The following GALNT13 variants were observed in gnomAD, a reference collection of about 807,000 sequenced individuals.
GALNT13 encodes the protein UDP-GalNAc:polypeptide N-acetylgalactosaminyltransferase 13.
In GALNT13, 28 loss-of-function variants were observed where a neutral mutation model predicts 64.2. That is an observed-to-expected ratio of 0.44 (90% CI 0.32 to 0.60). The LOEUF (loss-of-function observed/expected upper bound fraction) is 0.60, where lower values mean the gene tolerates loss of function less well. GALNT13 is among the 20% of genes least tolerant of loss of function. The pLI, the probability that GALNT13 is intolerant of heterozygous loss-of-function variation, is 0.05. For missense variants in GALNT13, 577 were observed against 669.8 expected, an observed-to-expected ratio of 0.86 and a Z score of 1.53; for synonymous variants, 214 against 224.6, an observed-to-expected ratio of 0.95 and a Z score of 0.42.
At chr2:154,286,018 C>G (rs1692243857) in intron 8 of GALNT13, among the ~76,000 whole-genome samples, 1 of 152,136 alleles carries the variant, frequency 6.6e-6, no homozygotes, top group South Asian at 2.1e-4. Flanking sequence ...TGTAGAAATA[C>G]AAGTGATTTT....
the GALNT13 span, among the ~76,000 whole-genome samples, chr2:153,528,484 C>T: frequency 6.6e-6 from 1 of 151,788 alleles, no homozygotes; most frequent in Non-Finnish European, 1.5e-5. Flanking sequence ...CTGAAGACTT[C>T]AACACCCTAC....
chr2:153,078,060 G>A, the GALNT13 span, among the ~76,000 whole-genome samples: 666 of 151,980 alleles, frequency 4.4e-3, 6 homozygotes, highest in Non-Finnish European at 4.6e-3. Context: ...CCTTGGTCTG[G>A]TTTCTCACTT....
At chr2:153,963,920 C>T (rs1693136482) in intron 3 of GALNT13, among the ~76,000 whole-genome samples, 1 of 151,986 alleles carries the variant, frequency 6.6e-6, no homozygotes, top group Admixed American at 6.6e-5. Flanking sequence ...TGAAATCTAA[C>T]GTATTTTTTT....
the GALNT13 span, among the ~76,000 whole-genome samples, chr2:153,075,673 T>A: frequency 1.3e-5 from 2 of 152,178 alleles, no homozygotes; most frequent in South Asian, 4.1e-4. Flanking sequence ...ATTATTTACA[T>A]ATTTCCAAAA....
intron 4 of GALNT13, among the ~76,000 whole-genome samples, chr2:154,162,140 T>A (rs1684769331): frequency 6.6e-6 from 1 of 152,176 alleles, no homozygotes; most frequent in African/African-American, 2.4e-5. Flanking sequence ...ACATAAATAC[T>A]CTATATCAGA....
chr2:154,185,705 T>C (rs1686212514), intron 4 of GALNT13, among the ~76,000 whole-genome samples: 2 of 151,964 alleles, frequency 1.3e-5, no homozygotes. Context: ...TTATAATTTT[T>C]ATCTCCTTGT....
At chr2:153,490,988 A>G in the GALNT13 span, among the ~76,000 whole-genome samples, 1 of 151,838 alleles carries the variant, frequency 6.6e-6, no homozygotes, top group African/African-American at 2.4e-5. Context: ...TTATAAAGGA[A>G]TATCTATTAA....
At chr2:153,962,206 C>A (rs914126071) in intron 3 of GALNT13, among the ~76,000 whole-genome samples, 3 of 152,134 alleles carry the variant, frequency 2.0e-5, no homozygotes, top group Admixed American at 6.6e-5. Context: ...TCCTTCAGAA[C>A]CTGCCTTATG....
At chr2:153,533,735 T>TTTTTTTTTTTTTTTTTTTTTTTTC in the GALNT13 span, among the ~76,000 whole-genome samples, 1 of 112,738 alleles carries the variant, frequency 8.9e-6, no homozygotes, top group Non-Finnish European at 2.0e-5. Context: ...TTTTTTTTTT[T>TTTTTTTTTTTTTTTTTTTTTTTTC]TTTTTTTTTT....
chr2:153,320,095 G>A, the GALNT13 span, among the ~76,000 whole-genome samples: 1 of 152,142 alleles, frequency 6.6e-6, no homozygotes, highest in Non-Finnish European at 1.5e-5. Flanking sequence ...CAGATTTCAT[G>A]GCTGGGGCAC....
intron 4 of GALNT13, among the ~76,000 whole-genome samples, chr2:154,180,523 T>C (rs774518087): frequency 2.7e-4 from 40 of 148,266 alleles, no homozygotes; most frequent in East Asian, 5.9e-4. Context: ...GTTAAAAAAA[T>C]AGATTTGTTT....
intron 2 of GALNT13, among the ~76,000 whole-genome samples, chr2:153,937,456 T>G (rs1691022047): frequency 6.6e-6 from 1 of 152,314 alleles, no homozygotes; most frequent in Non-Finnish European, 1.5e-5. Flanking sequence ...TAAATCAGAT[T>G]AGTAGTTACT....
At chr2:153,457,211 A>G in the GALNT13 span, among the ~76,000 whole-genome samples, 1 of 152,192 alleles carries the variant, frequency 6.6e-6, no homozygotes, top group South Asian at 2.1e-4. Context: ...TAAATAAGCA[A>G]TTCACTTGTG....
the GALNT13 span, among the ~76,000 whole-genome samples, chr2:153,268,373 C>G: frequency 6.6e-6 from 1 of 152,222 alleles, no homozygotes; most frequent in Admixed American, 6.5e-5. Flanking sequence ...CTCCATGTCT[C>G]ACATCCAGGC....
the GALNT13 span, among the ~76,000 whole-genome samples, chr2:153,305,871 G>T: frequency 9.9e-5 from 15 of 152,198 alleles, 1 homozygote; most frequent in Middle Eastern, 3.4e-3. Context: ...CCTTTTAAAG[G>T]AATTTTAGCC....
the GALNT13 span, among the ~76,000 whole-genome samples, chr2:153,848,536 C>A: frequency 6.6e-6 from 1 of 151,996 alleles, no homozygotes; most frequent in Non-Finnish European, 1.5e-5. Flanking sequence ...AGAAAACCAA[C>A]AATATCAAAA....
chr2:153,824,160 GTA>G, the GALNT13 span, among the ~76,000 whole-genome samples: 4 of 150,288 alleles, frequency 2.7e-5, no homozygotes, highest in East Asian at 2.0e-4. Context: ...GCTATACACT[GTA>G]TATATATATA....
intron 4 of GALNT13, among the ~76,000 whole-genome samples, chr2:154,181,858 G>T (rs1344132063): frequency 6.6e-6 from 1 of 151,750 alleles, no homozygotes; most frequent in African/African-American, 2.4e-5. Flanking sequence ...AAATGTCAAA[G>T]TCTACTAATT....
chr2:153,900,167 G>C (rs1048821005), intron 1 of GALNT13, among the ~76,000 whole-genome samples: 9 of 151,598 alleles, frequency 5.9e-5, no homozygotes, highest in Non-Finnish European at 1.3e-4. Context: ...TCATTAGGTT[G>C]TATTTTATTA....
Sources: allele counts gnomAD v4.1 joint callset (sites outside exome capture counted in the v4.1 genomes callset), GRCh38; gene constraint gnomAD v4.1.1; transcripts MANE v1.5; gene names NCBI Gene and HGNC (gene_info 2026-07-23, HGNC 2026-07-21).